TSC22D1: variants seen among roughly 807,000 people sequenced by gnomAD.
The protein encoded by TSC22D1 is TSC22 domain family protein 1.
TSC22D1 carries 9 observed loss-of-function variants against 74.2 expected under a neutral mutation model. That is an observed-to-expected ratio of 0.12 (90% CI 0.07 to 0.21). The LOEUF is 0.21. Among genes scored for constraint, TSC22D1 ranks in the 10% least tolerant of loss-of-function variants. The pLI is 1.00. For missense variants in TSC22D1, 1,427 were observed against 1,304.7 expected (o/e 1.09, Z -1.44); for synonymous variants, 586 against 492.5 (o/e 1.19, Z -2.51).
intron 1 of TSC22D1, among the ~76,000 whole-genome samples, chr13:44,529,450 A>C (rs1180164620): frequency 1.3e-5 from 2 of 152,086 alleles, no homozygotes; most frequent in Non-Finnish European, 2.9e-5. Flanking sequence ...ACAAAAAAAA[A>C]CCTACAGTGA....
chr13:44,565,090 T>C (rs1009145958), intron 1 of TSC22D1, among the ~76,000 whole-genome samples: 3 of 152,186 alleles, frequency 2.0e-5, no homozygotes, highest in African/African-American at 7.2e-5. Context: ...GGAAATGTTA[T>C]GAAAGCAGAT....
At position 44,434,899 on chromosome 13, in the gene TSC22D1, AAAAGGTTTAACTCATTATTTG is replaced by A. The variant is rs1406804626; in HGVS notation, c.2965-37_2965-17del. On this transcript the variant is annotated splice_polypyrimidine_tract_variant and intron_variant, in intron 2 of 2. Transcript: ENST00000458659. ...TCACTAGATCCTGGAAAGAAGACAG[AAAAGGTTTAACTCATTATTTG>A]GTATTTTCTGGACTCTTTTGAGTTT... 1 of 1,601,276 alleles carries A rather than the reference AAAAGGTTTAACTCATTATTTG, an allele frequency of 6.2e-7. No homozygotes were observed. Among genetic ancestry groups the A allele is most frequent in the East Asian group, 2.2e-5 (1 of 44,838 alleles).
rs111600722 is a variant in TSC22D1, at chr13:44,433,719, T to C, written c.*907A>G. The stretch of plus-strand genomic sequence containing the variant: ...TTTTCAAAGTATTCAACCAGCTCAA[T>C]TGAAAGACTTCAGTGAACAAGGATT... On this transcript the variant is annotated 3_prime_UTR_variant, in exon 3 of 3. Coordinates refer to ENST00000458659, the MANE Select transcript of TSC22D1 (RefSeq NM_183422.4). The C allele has an allele frequency of 1.9e-4, 85 of 459,312 alleles. 1 individual carries two copies. The highest frequency in any genetic ancestry group is 1.2e-3 in the African/African-American group (60 of 48,600). The allele number at this position is 459,312 out of a possible 1,614,324, so 28.5% of individuals were successfully genotyped here.
intron 1 of TSC22D1, among the ~76,000 whole-genome samples, chr13:44,512,012 T>C (rs1879747735): frequency 6.6e-6 from 1 of 152,186 alleles, no homozygotes; most frequent in Non-Finnish European, 1.5e-5. Context: ...TTCAGGGCAA[T>C]CGCATTTATT....
intron 1 of TSC22D1, among the ~76,000 whole-genome samples, chr13:44,491,073 C>T (rs757049835): frequency 6.7e-6 from 1 of 148,494 alleles, no homozygotes; most frequent in Non-Finnish European, 1.5e-5. Flanking sequence ...GGCTGAGGCA[C>T]GAAGAATCAT....
At chr13:44,539,839 A>T in intron 1 of TSC22D1, 1 of 1,289,258 alleles carries the variant, frequency 7.8e-7, no homozygotes. Context: ...GAGAAAGTGG[A>T]CCCCTGACGT....
chr13:44,556,135 T>C (rs1211029454), intron 1 of TSC22D1, among the ~76,000 whole-genome samples: 1 of 151,558 alleles, frequency 6.6e-6, no homozygotes, highest in Non-Finnish European at 1.5e-5. Context: ...TAACTATAAT[T>C]CAAAAAAATT....
chr13:44,482,680 G>C (rs923210358), intron 1 of TSC22D1, among the ~76,000 whole-genome samples: 2 of 152,058 alleles, frequency 1.3e-5, no homozygotes, highest in East Asian at 3.9e-4. Flanking sequence ...ATGATATGCA[G>C]AAACAAACAG....
At chr13:44,534,354 C>T (rs1236026372) in intron 1 of TSC22D1, among the ~76,000 whole-genome samples, 2 of 144,304 alleles carry the variant, frequency 1.4e-5, no homozygotes, top group Non-Finnish European at 1.5e-5. Context: ...ACTGTGAGAC[C>T]CCGTCTTAAA....
chr13:44,514,823 G>A (rs1229962927), intron 1 of TSC22D1, among the ~76,000 whole-genome samples: 3 of 152,160 alleles, frequency 2.0e-5, no homozygotes, highest in Non-Finnish European at 4.4e-5. Flanking sequence ...TCGCACCAAT[G>A]CACTCCAGCC....
intron 1 of TSC22D1, among the ~76,000 whole-genome samples, chr13:44,521,149 T>C (rs1880295884): frequency 6.6e-6 from 1 of 152,124 alleles, no homozygotes; most frequent in Non-Finnish European, 1.5e-5. Flanking sequence ...GCACCCATAT[T>C]GTCAATACAG....
At chr13:44,438,725 GA>G (rs1352207093) in intron 1 of TSC22D1, among the ~76,000 whole-genome samples, 1 of 151,440 alleles carries the variant, frequency 6.6e-6, no homozygotes, top group Non-Finnish European at 1.5e-5. Context: ...CCAACAAAAG[GA>G]GACTAAGTAG....
At chr13:44,514,607 CCCAACA>C (rs1206736703) in intron 1 of TSC22D1, among the ~76,000 whole-genome samples, 2 of 152,126 alleles carry the variant, frequency 1.3e-5, no homozygotes, top group Non-Finnish European at 2.9e-5. Context: ...CACCTGTAAT[CCCAACA>C]CTTTGGGAGG....
At chr13:44,565,859 A>C (rs1190589386) in intron 1 of TSC22D1, among the ~76,000 whole-genome samples, 7 of 152,192 alleles carry the variant, frequency 4.6e-5, no homozygotes, top group Non-Finnish European at 1.0e-4. Flanking sequence ...CTTTCTAAAC[A>C]AGAAATAAAA....
chr13:44,503,003 ATTTG>A (rs1352646352), intron 1 of TSC22D1, among the ~76,000 whole-genome samples: 3 of 152,216 alleles, frequency 2.0e-5, no homozygotes, highest in East Asian at 1.9e-4. Flanking sequence ...GGTATTCAAA[ATTTG>A]TTTGATTGTT....
At chr13:44,506,047 C>T (rs9525967) in intron 1 of TSC22D1, among the ~76,000 whole-genome samples, 108 of 152,250 alleles carry the variant, frequency 7.1e-4, no homozygotes, top group Non-Finnish European at 1.3e-3. Context: ...AACTGGGATG[C>T]GAATGCAGGC....
intron 1 of TSC22D1, among the ~76,000 whole-genome samples, chr13:44,479,462 T>C (rs1239673710): frequency 6.6e-6 from 1 of 151,978 alleles, no homozygotes; most frequent in Non-Finnish European, 1.5e-5. Flanking sequence ...TTCAAAAAGC[T>C]CTCATAAAGC....
At chr13:44,480,438 TGAAA>T (rs1878124170) in intron 1 of TSC22D1, among the ~76,000 whole-genome samples, 1 of 151,234 alleles carries the variant, frequency 6.6e-6, no homozygotes, top group Non-Finnish European at 1.5e-5. Flanking sequence ...AAGATTCTAA[TGAAA>T]GAAATAGACA....
intron 1 of TSC22D1, among the ~76,000 whole-genome samples, chr13:44,562,072 C>T (rs138936988): frequency 6.9e-4 from 105 of 152,274 alleles, no homozygotes; most frequent in African/African-American, 2.4e-3. Context: ...CAAGGTCTCA[C>T]TCTGTCACTC....
Sources: gnomAD v4.1 joint callset for allele counts (sites outside exome capture counted in the v4.1 genomes callset) on GRCh38, gnomAD v4.1.1 for gene constraint, MANE v1.5 for transcripts, NCBI Gene and HGNC (gene_info 2026-07-23, HGNC 2026-07-21) for gene names.